Variants in KAZN observed in about 807,000 individuals in gnomAD.
KAZN encodes kazrin.
In KAZN, 40 loss-of-function variants were observed where a neutral mutation model predicts 87.4. That is an observed-to-expected ratio of 0.46 (90% CI 0.36 to 0.60). The LOEUF (loss-of-function observed/expected upper bound fraction) is 0.60, where lower values mean the gene tolerates loss of function less well. Among genes scored for constraint, KAZN ranks in the 20% least tolerant of loss-of-function variants. The pLI is 0.00. For missense variants in KAZN, 898 were observed against 1,073.9 expected, an observed-to-expected ratio of 0.84 and a Z score of 2.29; for synonymous variants, 466 against 458.3, an observed-to-expected ratio of 1.02 and a Z score of -0.22.
At chr1:14,086,883 C>T (rs922031082) in intron 1 of KAZN, among the ~76,000 whole-genome samples, 2 of 152,158 alleles carry the variant, frequency 1.3e-5, no homozygotes, top group Non-Finnish European at 2.9e-5. Context: ...AATTTGTAGA[C>T]ACTGTCTTCT....
At chr1:14,918,655 GAC>G (rs1658079958) in intron 1 of KAZN, among the ~76,000 whole-genome samples, 1 of 130,054 alleles carries the variant, frequency 7.7e-6, no homozygotes, top group East Asian at 2.2e-4. Context: ...CAGCCTGGGC[GAC>G]AGAGTAAGAC....
chr1:14,352,235 A>C (rs112760748), intron 2 of KAZN, among the ~76,000 whole-genome samples: 2,144 of 152,320 alleles, frequency 0.014, 25 homozygotes, highest in Middle Eastern at 0.041. Context: ...AATTAGACAC[A>C]GAATCGGATC....
intron 1 of KAZN, among the ~76,000 whole-genome samples, chr1:14,138,678 G>A (rs894650079): frequency 4.6e-5 from 7 of 152,310 alleles, no homozygotes; most frequent in South Asian, 2.1e-4. Context: ...GCCCAGGCTC[G>A]TTTCTCAATA....
intron 1 of KAZN, among the ~76,000 whole-genome samples, chr1:14,940,435 G>A (rs1359210889): frequency 1.3e-5 from 2 of 152,208 alleles, no homozygotes; most frequent in African/African-American, 2.4e-5. Flanking sequence ...TCCTTGACAT[G>A]ATGACCCCTC....
chr1:14,900,730 G>A lies in KAZN; in HGVS notation c.227-59954G>A, dbSNP rs185744564. Among the ~76,000 whole-genome samples the A allele has an allele frequency of 1.4e-3, 213 of 147,366 alleles. 1 individual carries two copies. The highest frequency in any genetic ancestry group is 5.1e-3 in the African/African-American group (206 of 40,344). ...GATCGCGCCACTGCACTCCAGCCTG[G>A]GCGACAGAGCAAGACTCCATCTCAA... On this transcript the variant is annotated intron_variant, in intron 1 of 14. Transcript: ENST00000376030.
At chr1:14,122,760 T>C (rs1644779070) in intron 1 of KAZN, among the ~76,000 whole-genome samples, 1 of 152,240 alleles carries the variant, frequency 6.6e-6, no homozygotes, top group African/African-American at 2.4e-5. Flanking sequence ...TATGTGTAAA[T>C]ACATTCTTTC....
chr1:15,044,572 A>C (rs1297967011), intron 4 of KAZN, among the ~76,000 whole-genome samples: 1 of 151,946 alleles, frequency 6.6e-6, no homozygotes, highest in Non-Finnish European at 1.5e-5. Context: ...GCAACATGGC[A>C]AAACCCTATC....
intron 1 of KAZN, among the ~76,000 whole-genome samples, chr1:14,721,012 A>G (rs146496338): frequency 4.1e-4 from 62 of 152,290 alleles, no homozygotes; most frequent in African/African-American, 1.5e-3. Flanking sequence ...CTGTATACAG[A>G]GTCAGGCATT....
intron 2 of KAZN, among the ~76,000 whole-genome samples, chr1:14,290,681 A>G (rs1363784884): frequency 1.3e-5 from 2 of 152,184 alleles, no homozygotes; most frequent in Non-Finnish European, 2.9e-5. Context: ...TACTTCTGTC[A>G]GCTTGTCAAA....
intron 2 of KAZN, among the ~76,000 whole-genome samples, chr1:14,571,757 A>G (rs1571958371): frequency 6.6e-6 from 1 of 152,190 alleles, no homozygotes. Context: ...CCAAGATTCC[A>G]TAGAGATTTA....
At chr1:14,867,927 G>A (rs115490359) in intron 1 of KAZN, among the ~76,000 whole-genome samples, 4,356 of 69,880 alleles carry the variant, frequency 0.062, 79 homozygotes, top group Non-Finnish European at 0.1. Context: ...GGACAGCAGT[G>A]GGCAGGCACA....
intron 2 of KAZN, among the ~76,000 whole-genome samples, chr1:14,181,050 A>G (rs895340361): frequency 6.6e-6 from 1 of 152,178 alleles, no homozygotes; most frequent in African/African-American, 2.4e-5. Flanking sequence ...TTTATTGAGG[A>G]AGGTATTTAG....
chr1:14,337,753 G>A (rs1408782430), intron 2 of KAZN, among the ~76,000 whole-genome samples: 1 of 152,046 alleles, frequency 6.6e-6, no homozygotes, highest in Admixed American at 6.6e-5. Flanking sequence ...AATTAACTGG[G>A]CGTGGTGGCG....
At chr1:14,299,400 G>A (rs991292238) in intron 2 of KAZN, among the ~76,000 whole-genome samples, 1 of 152,100 alleles carries the variant, frequency 6.6e-6, no homozygotes, top group Non-Finnish European at 1.5e-5. Flanking sequence ...CTACCTGGGA[G>A]GCTGAGGCAG....
chr1:14,758,643 G>A (rs1644646483), intron 1 of KAZN, among the ~76,000 whole-genome samples: 1 of 152,144 alleles, frequency 6.6e-6, no homozygotes, highest in Non-Finnish European at 1.5e-5. Context: ...ACTTGCCTTG[G>A]CCAATGCGAT....
In KAZN at chr1:14,125,453, G is replaced by A. The variant is rs556724565; in HGVS notation, c.92-54982G>A. The stretch of plus-strand genomic sequence containing the variant: ...TCTCAAGGTGAAATCACCCTGGATC[G>A]TCCAGGTGGGCTTAAATCCAGTGAC... On this transcript the variant is annotated intron_variant, in intron 1 of 16. Transcript: ENST00000636203. Among the ~76,000 whole-genome samples, 11 of 152,244 alleles carry A rather than the reference G, an allele frequency of 7.2e-5. No homozygotes were observed. In the South Asian group the frequency reaches 8.3e-4, roughly 12 times the overall value.
chr1:14,580,912 C>T (rs1675506732), intron 2 of KAZN, among the ~76,000 whole-genome samples: 1 of 152,188 alleles, frequency 6.6e-6, no homozygotes, highest in African/African-American at 2.4e-5. Context: ...AACACTTTCT[C>T]TCCACGGCTT....
At chr1:14,595,766 CTAAT>C (rs1202293978), upstream of KAZN, among the ~76,000 whole-genome samples, 1 of 151,540 alleles carries the variant, frequency 6.6e-6, no homozygotes, top group African/African-American at 2.4e-5. Context: ...CCCGCAGAGG[CTAAT>C]TGATTGCAGA....
chr1:14,846,417 G>A (rs746341049), intron 1 of KAZN, among the ~76,000 whole-genome samples: 1 of 152,046 alleles, frequency 6.6e-6, no homozygotes, highest in Non-Finnish European at 1.5e-5. Flanking sequence ...TAACAGAGAG[G>A]AGGCAGGGGG....
Sources: gnomAD v4.1 joint callset for allele counts (sites outside exome capture counted in the v4.1 genomes callset) on GRCh38, gnomAD v4.1.1 for gene constraint, MANE v1.5 for transcripts, NCBI Gene and HGNC (gene_info 2026-07-23, HGNC 2026-07-21) for gene names.